Variants in DOK5 observed in about 807,000 individuals in gnomAD.
The protein encoded by DOK5 is downstream of tyrosine kinase 5.
DOK5 carries 27 observed loss-of-function variants against 43.3 expected under a neutral mutation model. That is an observed-to-expected ratio of 0.62 (90% confidence interval 0.46 to 0.86). DOK5 has a LOEUF of 0.86. DOK5 is among the 40% of genes least tolerant of loss of function. The probability of loss-of-function intolerance (pLI) is 0.00; values close to 1 mark genes in which losing one functional copy is unlikely to be tolerated. For synonymous variants in DOK5, 146 were observed against 140.1 expected (o/e 1.04, Z -0.30); for missense variants, 373 against 392.9 (o/e 0.95, Z 0.43).
chr20:54,554,992 G>A lies in DOK5; in HGVS notation c.126G>A (p.Leu42=). 1.2e-6 allele frequency: 2 copies of A among 1,613,948 alleles called. No individual in the cohort carries two copies. The highest frequency in any genetic ancestry group is 1.7e-6 in the Non-Finnish European group (2 of 1,179,890). Residue 42 remains leucine (L), a synonymous_variant, in exon 2 of 8, where the codon CTG becomes CTA. Coordinates refer to ENST00000262593, the MANE Select transcript of DOK5 (RefSeq NM_018431.5). The part of the protein sequence containing the change: ...KKASSKGPKR[L]EKFSDERAAY... ...CTTCAAGCAAAGGTCCAAAAAGACT[G>A]GAGAAATTTTCTGATGAACGTGCTG...
At chr20:54,569,598 C>G (rs921538492) in intron 2 of DOK5, among the ~76,000 whole-genome samples, 2 of 152,154 alleles carry the variant, frequency 1.3e-5, no homozygotes, top group Admixed American at 6.5e-5. Context: ...AAGTTTTTTT[C>G]TGGTTACTGC....
chr20:54,646,575 T>C (rs1203564522), intron 7 of DOK5, among the ~76,000 whole-genome samples: 1 of 152,092 alleles, frequency 6.6e-6, no homozygotes, highest in Admixed American at 6.5e-5. Flanking sequence ...TAATAGACAA[T>C]AAAATAAATA....
intron 6 of DOK5, among the ~76,000 whole-genome samples, chr20:54,634,437 C>CTTTT (rs11470013): frequency 0.02 from 1,835 of 90,386 alleles, 275 homozygotes; most frequent in African/African-American, 0.079. Flanking sequence ...TCATATCATG[C>CTTTT]TTTTTTTTTT....
At chr20:54,639,423 A>G (rs1471125238) in intron 6 of DOK5, among the ~76,000 whole-genome samples, 1 of 152,160 alleles carries the variant, frequency 6.6e-6, no homozygotes, top group Non-Finnish European at 1.5e-5. Flanking sequence ...CTATCCCCCA[A>G]AGTAACAATG....
At chr20:54,539,935 G>A (rs371980875) in intron 1 of DOK5, among the ~76,000 whole-genome samples, 31 of 152,228 alleles carry the variant, frequency 2.0e-4, no homozygotes, top group South Asian at 4.1e-4. Context: ...GAAGTGCAGC[G>A]GAGGAAATAT....
intron 1 of DOK5, among the ~76,000 whole-genome samples, chr20:54,508,238 T>G (rs1315158681): frequency 6.6e-6 from 1 of 152,118 alleles, no homozygotes; most frequent in Non-Finnish European, 1.5e-5. Flanking sequence ...TTCCTATACA[T>G]GTGCACTGCT....
At chr20:54,619,013 T>C (rs1986900408) in intron 6 of DOK5, among the ~76,000 whole-genome samples, 2 of 113,632 alleles carry the variant, frequency 1.8e-5, no homozygotes, top group African/African-American at 3.1e-5. Flanking sequence ...CAAGACCTTG[T>C]TTCAATAAAT....
chr20:54,501,915 G>A (rs984148067), intron 1 of DOK5, among the ~76,000 whole-genome samples: 1 of 152,144 alleles, frequency 6.6e-6, no homozygotes, highest in Non-Finnish European at 1.5e-5. Context: ...TTATTTCCTC[G>A]GTTAATACTC....
At chr20:54,496,830 G>T (rs1167721892) in intron 1 of DOK5, among the ~76,000 whole-genome samples, 1 of 150,964 alleles carries the variant, frequency 6.6e-6, no homozygotes, top group Non-Finnish European at 1.5e-5. Flanking sequence ...AGTACAGAGA[G>T]ATTCGATATT....
At chr20:54,634,985 C>T (rs1407898934) in intron 6 of DOK5, among the ~76,000 whole-genome samples, 1 of 152,140 alleles carries the variant, frequency 6.6e-6, no homozygotes, top group Non-Finnish European at 1.5e-5. Flanking sequence ...GCTCTTCAGC[C>T]AACTGGAAGA....
At chr20:54,539,630 A>G (rs1984080626) in intron 1 of DOK5, among the ~76,000 whole-genome samples, 1 of 152,206 alleles carries the variant, frequency 6.6e-6, no homozygotes, top group South Asian at 2.1e-4. Flanking sequence ...TTGCTCCAGA[A>G]GAATAAGCCC....
chr20:54,532,575 T>C (rs1568770308), intron 1 of DOK5, among the ~76,000 whole-genome samples: 1 of 152,174 alleles, frequency 6.6e-6, no homozygotes, highest in African/African-American at 2.4e-5. Context: ...GGTGGGTATA[T>C]CTTCACAGCT....
At chr20:54,529,961 T>C (rs983306845) in intron 1 of DOK5, among the ~76,000 whole-genome samples, 51 of 152,372 alleles carry the variant, frequency 3.3e-4, no homozygotes, top group African/African-American at 1.2e-3. Flanking sequence ...ATTTTGTTTA[T>C]CTATTCATCC....
chr20:54,506,964 A>G (rs760801857), intron 1 of DOK5, among the ~76,000 whole-genome samples: 11 of 152,222 alleles, frequency 7.2e-5, no homozygotes, highest in Non-Finnish European at 1.6e-4. Context: ...TTTACAGTTT[A>G]TTTAATCTAT....
At chr20:54,526,764 GAA>G (rs758192602) in intron 1 of DOK5, among the ~76,000 whole-genome samples, 3 of 152,092 alleles carry the variant, frequency 2.0e-5, no homozygotes, top group Non-Finnish European at 4.4e-5. Flanking sequence ...AACTCCCGGA[GAA>G]AAGAGTAGGG....
At chr20:54,515,083 T>C (rs557581995) in intron 1 of DOK5, among the ~76,000 whole-genome samples, 1 of 152,210 alleles carries the variant, frequency 6.6e-6, no homozygotes, top group South Asian at 2.1e-4. Flanking sequence ...CGATCTTGAC[T>C]CACTGTAATC....
At chr20:54,515,309 G>A (rs960244047) in intron 1 of DOK5, among the ~76,000 whole-genome samples, 2 of 152,094 alleles carry the variant, frequency 1.3e-5, no homozygotes, top group African/African-American at 4.8e-5. Context: ...CACCGTGCCC[G>A]GCCAGTTATG....
At chr20:54,502,151 A>G (rs1271481272) in intron 1 of DOK5, among the ~76,000 whole-genome samples, 4 of 152,260 alleles carry the variant, frequency 2.6e-5, no homozygotes, top group African/African-American at 4.8e-5. Context: ...AGAAACTACA[A>G]TAATAATTGA....
intron 1 of DOK5, among the ~76,000 whole-genome samples, chr20:54,531,948 G>T (rs574536203): frequency 1.3e-5 from 2 of 152,258 alleles, no homozygotes; most frequent in South Asian, 4.2e-4. Flanking sequence ...ATGGAGAAAG[G>T]TCATGTGTTC....
Sources: allele counts gnomAD v4.1 joint callset (sites outside exome capture counted in the v4.1 genomes callset), GRCh38; gene constraint gnomAD v4.1.1; transcripts MANE v1.5; gene names NCBI Gene and HGNC (gene_info 2026-07-23, HGNC 2026-07-21).